Variants in SMOC2 observed in about 807,000 individuals in gnomAD.
SMOC2 encodes SPARC-related modular calcium-binding protein 2.
SMOC2 carries 39 observed loss-of-function variants against 61.4 expected under a neutral mutation model. That is an observed-to-expected ratio of 0.64 (90% CI 0.49 to 0.83). The LOEUF is 0.83. SMOC2 is among the 40% of genes least tolerant of loss of function. SMOC2 has a pLI of 0.00. For missense variants in SMOC2, 556 were observed against 592.9 expected (o/e 0.94, Z 0.65); for synonymous variants, 247 against 239.9 (o/e 1.03, Z -0.27).
chr6:168,599,660 ACT>A (rs1327702631), intron 8 of SMOC2, among the ~76,000 whole-genome samples: 6 of 69,950 alleles, frequency 8.6e-5, no homozygotes, highest in African/African-American at 2.1e-4. Flanking sequence ...TCATACCCAC[ACT>A]CACACACTCC....
chr6:168,549,581 G>A lies in SMOC2; in HGVS notation c.637+378G>A, dbSNP rs9355070. ...TCTTCGTTCTCCTCATCGTCTTCAC[G>A]TTGAGTGGGCTGAGGAGGAGGAAGA... On this transcript the variant is annotated intron_variant, in intron 7 of 12. Coordinates refer to ENST00000356284, the MANE Select transcript of SMOC2 (RefSeq NM_001166412.2). Among the ~76,000 whole-genome samples the A allele has an allele frequency of 1.4e-4, 21 of 152,268 alleles. No individual in the cohort carries two copies. In the East Asian group the frequency reaches 3.3e-3, roughly 24 times the overall value.
At chr6:168,647,728 A>G (rs1333486613) in intron 9 of SMOC2, among the ~76,000 whole-genome samples, 1 of 152,184 alleles carries the variant, frequency 6.6e-6, no homozygotes, top group Non-Finnish European at 1.5e-5. Flanking sequence ...TCACTTTAAC[A>G]TAATGAAAGT....
At chr6:168,468,035 AT>A (rs1439231717) in intron 1 of SMOC2, among the ~76,000 whole-genome samples, 1 of 152,230 alleles carries the variant, frequency 6.6e-6, no homozygotes, top group Non-Finnish European at 1.5e-5. Context: ...TTTTTAAAAA[AT>A]AGTGGATGCA....
At chr6:168,528,361 G>A (rs1783505622) in intron 4 of SMOC2, among the ~76,000 whole-genome samples, 1 of 151,506 alleles carries the variant, frequency 6.6e-6, no homozygotes, top group South Asian at 2.1e-4. Flanking sequence ...TTGTGGGGGA[G>A]ACTTATCAGA....
chr6:168,558,794 T>A, intron 7 of SMOC2, among the ~76,000 whole-genome samples: 1 of 135,984 alleles, frequency 7.4e-6, no homozygotes, highest in Non-Finnish European at 1.7e-5. Flanking sequence ...TGTGTGGGTG[T>A]GCGTGTGCGC....
intron 9 of SMOC2, among the ~76,000 whole-genome samples, chr6:168,626,041 A>G (rs891849711): frequency 6.6e-6 from 1 of 152,238 alleles, no homozygotes. Flanking sequence ...AAGAAAGCTA[A>G]GAGGCCAGCA....
At chr6:168,659,836 G>A (rs113070169) in intron 11 of SMOC2, among the ~76,000 whole-genome samples, 163 of 29,996 alleles carry the variant, frequency 5.4e-3, no homozygotes, top group East Asian at 7.8e-3. Context: ...GTTGTTGACT[G>A]GGTAAGGGTA....
intron 9 of SMOC2, among the ~76,000 whole-genome samples, chr6:168,630,202 T>G (rs541559488): frequency 1.3e-5 from 2 of 152,268 alleles, no homozygotes; most frequent in East Asian, 1.9e-4. Context: ...TTGATTTGAT[T>G]CCCTAAACTC....
chr6:168,541,216 A>G (rs1783871191), intron 4 of SMOC2, among the ~76,000 whole-genome samples: 1 of 152,188 alleles, frequency 6.6e-6, no homozygotes, highest in African/African-American at 2.4e-5. Context: ...GATCTCACAA[A>G]TGGGAGCAAT....
chr6:168,587,557 C>G (rs1007669161), intron 7 of SMOC2, among the ~76,000 whole-genome samples: 1 of 152,212 alleles, frequency 6.6e-6, no homozygotes, highest in Non-Finnish European at 1.5e-5. Context: ...GAGCCTTTCA[C>G]TGAATATACA....
chr6:168,460,097 TTGAC>T (rs1297956708), intron 1 of SMOC2, among the ~76,000 whole-genome samples: 1 of 152,204 alleles, frequency 6.6e-6, no homozygotes, highest in Non-Finnish European at 1.5e-5. Flanking sequence ...TTTGCTTTGA[TTGAC>T]TGATACCCCA....
At chr6:168,656,235 T>G (rs1973980) in intron 11 of SMOC2, among the ~76,000 whole-genome samples, 27,912 of 152,030 alleles carry the variant, frequency 0.18, 2,904 homozygotes, top group East Asian at 0.43. Flanking sequence ...TCCTGGCAAG[T>G]CACGGTGGCT....
At chr6:168,585,254 C>T (rs1195437842) in intron 7 of SMOC2, among the ~76,000 whole-genome samples, 1 of 152,148 alleles carries the variant, frequency 6.6e-6, no homozygotes, top group Admixed American at 6.5e-5. Flanking sequence ...CTGCTGTGCC[C>T]AGCCTACATT....
At chr6:168,663,798 T>C (rs1787583152) in intron 11 of SMOC2, among the ~76,000 whole-genome samples, 1 of 152,200 alleles carries the variant, frequency 6.6e-6, no homozygotes, top group African/African-American at 2.4e-5. Context: ...CTACAGATGA[T>C]TTAAAGTATA....
chr6:168,635,252 C>T (rs1232930596), intron 9 of SMOC2, among the ~76,000 whole-genome samples: 1 of 152,190 alleles, frequency 6.6e-6, no homozygotes, highest in African/African-American at 2.4e-5. Flanking sequence ...AGGGTGTTCA[C>T]CAGACGTACG....
At chr6:168,653,496 T>C (rs902355110) in intron 11 of SMOC2, among the ~76,000 whole-genome samples, 15 of 152,236 alleles carry the variant, frequency 9.9e-5, no homozygotes, top group African/African-American at 3.6e-4. Flanking sequence ...CAGACCACGG[T>C]TGGCTTCCCC....
Position 168,452,140 on chromosome 6 carries a change from C to T in SMOC2, c.84+10686C>T, listed in dbSNP as rs370667124. On this transcript the variant is annotated intron_variant, in intron 1 of 12. Coordinates refer to ENST00000356284, the MANE Select transcript of SMOC2 (RefSeq NM_001166412.2). This position sits in a 1 kb window ranked among gnomAD's most constrained non-coding sequence, Gnocchi z 5.0. ...CTTGCCTGCAAAAATACCCCACGGGCCTGCTGCCCCAAGTGAGTTCAACTT... is the reference window on the plus strand; with the variant it reads ...CTTGCCTGCAAAAATACCCCACGGGTCTGCTGCCCCAAGTGAGTTCAACTT... Among the ~76,000 whole-genome samples, 54 of 152,326 alleles carry T rather than the reference C, an allele frequency of 3.5e-4. No homozygotes were observed. In the East Asian group the frequency reaches 9.3e-3, roughly 26 times the overall value.
chr6:168,464,786 A>G (rs1781792606), intron 1 of SMOC2, among the ~76,000 whole-genome samples: 1 of 152,246 alleles, frequency 6.6e-6, no homozygotes, highest in Non-Finnish European at 1.5e-5. Flanking sequence ...CTGCCGTCAT[A>G]GAACAATTAA....
intron 7 of SMOC2, among the ~76,000 whole-genome samples, chr6:168,586,975 C>G (rs1266128485): frequency 6.6e-6 from 1 of 152,182 alleles, no homozygotes. Flanking sequence ...TGCTCTTTAT[C>G]AGACAGAGAA....
Sources: gnomAD v4.1 joint callset for allele counts (sites outside exome capture counted in the v4.1 genomes callset) on GRCh38, gnomAD v4.1.1 for gene constraint, Gnocchi (gnomAD v3.1) non-coding constraint, MANE v1.5 for transcripts, NCBI Gene and HGNC (gene_info 2026-07-23, HGNC 2026-07-21) for gene names.